Variants in HCN3 observed in about 807,000 individuals in gnomAD.
HCN3 encodes potassium/sodium hyperpolarization-activated cyclic nucleotide-gated channel 3.
HCN3 carries 36 observed loss-of-function variants against 56.8 expected under a neutral mutation model. That is an observed-to-expected ratio of 0.63 (90% CI 0.49 to 0.84). The LOEUF (loss-of-function observed/expected upper bound fraction) is 0.84. Among genes scored for constraint, HCN3 ranks in the 40% least tolerant of loss-of-function variants. The pLI is 0.00. For missense variants in HCN3, 930 were observed against 1,079.3 expected, an observed-to-expected ratio of 0.86 and a Z score of 1.94; for synonymous variants, 425 against 439.7, an observed-to-expected ratio of 0.97 and a Z score of 0.42.
rs1261975442 is a variant in HCN3 at position 155,284,415 on chromosome 1, C to T, written c.871-124C>T. The T allele has an allele frequency of 1.8e-6, 2 of 1,125,416 alleles. No homozygotes were observed. The highest frequency in any genetic ancestry group is 2.5e-6 in the Non-Finnish European group (2 of 810,068). The allele number at this position is 1,125,416 out of a possible 1,614,324, so 69.7% of individuals were successfully genotyped here. A position where few individuals can be genotyped will look rare whatever the true frequency, so the allele number is the denominator to read the frequency against. ...GGCCCCCCAGAACCAAACTTAAGTG[C>T]CTGCCAGGAGGAAGGCCTGCAGTAG... On this transcript the variant is annotated intron_variant, in intron 3 of 7. Transcript: ENST00000368358. The surrounding 1 kb of genome is among the most constrained non-coding windows in gnomAD (Gnocchi z 4.3).
rs756813469 is a variant in HCN3, at chr1:155,277,883, G to C, written c.278+15G>C. ...AGCGACTTCCGGTATTGGGGGCTTG[G>C]CGGGGAGGGCAGGGTACATCAATCC... On this transcript the variant is annotated intron_variant, in intron 1 of 7. Transcript: ENST00000368358. The C allele has an allele frequency of 3.1e-6, 5 of 1,610,592 alleles. No homozygotes were observed. Among genetic ancestry groups the C allele is most frequent in the South Asian group, 1.1e-5 (1 of 90,876 alleles).
In HCN3 at chr1:155,286,357, G is replaced by T. The variant is rs1674287266; in HGVS notation, c.1477+393G>T. On this transcript the variant is annotated intron_variant, in intron 6 of 7. Coordinates refer to ENST00000368358, the MANE Select transcript of HCN3 (RefSeq NM_020897.3). The stretch of plus-strand genomic sequence containing the variant: ...AGACGGGGTTTCACTGTGTTAGCCA[G>T]GATGGTCTCGATCTCCTGACCTCGT... 2.6e-5 allele frequency among the ~76,000 whole-genome samples: 4 copies of T among 152,284 alleles called. No homozygotes were observed. In the South Asian group the frequency reaches 8.3e-4, roughly 32 times the overall value.
chr1:155,286,860 G>C (rs141141634), intron 6 of HCN3, among the ~76,000 whole-genome samples: 1 of 152,056 alleles, frequency 6.6e-6, no homozygotes, highest in Non-Finnish European at 1.5e-5. Context: ...GGATTGAGCA[G>C]TCGGGGAGGG....
At position 155,280,340 on chromosome 1, in the gene HCN3, C is replaced by T. The variant is rs908120064; in HGVS notation, c.279-2071C>T. On this transcript the variant is annotated intron_variant, in intron 1 of 7. Coordinates refer to ENST00000368358, the MANE Select transcript of HCN3 (RefSeq NM_020897.3). ...AGGGCAGTGGAGCGGTTTCAGCTCA[C>T]GGCAACCTTCACTCCCAGGTTCAAG... Among the ~76,000 whole-genome samples the T allele has an allele frequency of 9.9e-5, 15 of 151,870 alleles. No individual in the cohort carries two copies. In the South Asian group the frequency reaches 1.4e-3, roughly 15 times the overall value.
Position 155,285,816 on chromosome 1 carries a change from G to A in HCN3, c.1329G>A (p.Lys443=), listed in dbSNP as rs773894483. Residue 443 remains lysine, a synonymous_variant, in exon 6 of 8, where the codon AAG becomes AAA. Coordinates refer to ENST00000368358, the MANE Select transcript of HCN3 (RefSeq NM_020897.3). This position sits in a 1 kb window ranked among gnomAD's most constrained non-coding sequence, Gnocchi z 4.5. ...DPSFVTAVLT[K]LRFEVFQPGD... The stretch of plus-strand genomic sequence containing the variant: ...GCTTCGTCACTGCAGTTCTCACCAA[G>A]CTGCGCTTTGAGGTCTTCCAGCCGG... 4 of 1,614,110 alleles carry A rather than the reference G, an allele frequency of 2.5e-6. No homozygotes were observed. In the East Asian group the frequency reaches 6.7e-5, roughly 27 times the overall value.
intron 6 of HCN3, among the ~76,000 whole-genome samples, chr1:155,286,437 G>C (rs1326408481): frequency 1.3e-5 from 2 of 152,188 alleles, no homozygotes; most frequent in African/African-American, 4.8e-5. Context: ...GAATCACCGT[G>C]CCAGGCCTGA....
Position 155,284,878 on chromosome 1 carries a change from TC to T in HCN3, c.1089+123del. ...TCTCTGTTTCCTTTCCTGCCCTGTG[TC>T]CATTTGTTCCCTGCCCCTGCATGTA... is the stretch of plus-strand genomic sequence containing the variant. On this transcript the variant is annotated intron_variant, in intron 4 of 7. Transcript: ENST00000368358. The surrounding 1 kb of genome is among the most constrained non-coding windows in gnomAD (Gnocchi z 4.3). 1 of 959,148 alleles carries T rather than the reference TC, an allele frequency of 1.0e-6. No individual in the cohort carries two copies. The allele number at this position is 959,148 out of a possible 1,614,324, so 59.4% of individuals were successfully genotyped here. A position where few individuals can be genotyped will look rare whatever the true frequency, so the allele number is the denominator to read the frequency against.
chr1:155,277,980 GT>G, intron 1 of HCN3, 112 bp downstream of exon 1: 1 of 1,326,726 alleles, frequency 7.5e-7, no homozygotes, highest in Non-Finnish European at 1.0e-6. Flanking sequence ...CCAGCCCGGG[GT>G]CCCTTGGTGG....
Position 155,285,726 on chromosome 1 carries a change from GATC to G in HCN3, c.1242_1244del (p.Ile415del). 6.2e-7 allele frequency: 1 copy of G among 1,614,112 alleles called. No homozygotes were observed. The highest frequency in any genetic ancestry group is 8.5e-7 in the Non-Finnish European group (1 of 1,180,006). Reference sequence around the variant, plus strand: ...TGACAGGCCCCTCCCCTGTCCAGGAGATCATTAACTTCACCTGTCGGGGCCTGG... The same window carrying G: ...TGACAGGCCCCTCCCCTGTCCAGGAGATTAACTTCACCTGTCGGGGCCTGG... On this transcript the variant is annotated inframe_deletion, in exon 6 of 8. Transcript: ENST00000368358. The surrounding 1 kb of genome is among the most constrained non-coding windows in gnomAD (Gnocchi z 4.5).
Position 155,284,304 on chromosome 1 carries a change from C to G in HCN3, c.870+169C>G. On this transcript the variant is annotated intron_variant, in intron 3 of 7. Coordinates refer to ENST00000368358, the MANE Select transcript of HCN3 (RefSeq NM_020897.3). The surrounding 1 kb of genome is among the most constrained non-coding windows in gnomAD (Gnocchi z 4.3). Reference sequence around the variant, plus strand: ...GGGAAGGAGACCCAGAAGAAGTGCTCGTGTGTTGGAGGGAGCAGGCAAAGG... The same window carrying G: ...GGGAAGGAGACCCAGAAGAAGTGCTGGTGTGTTGGAGGGAGCAGGCAAAGG... 1 of 885,448 alleles carries G rather than the reference C, an allele frequency of 1.1e-6. No individual in the cohort carries two copies. The highest frequency in any genetic ancestry group is 1.7e-5 in the South Asian group (1 of 57,476). The allele number at this position is 885,448 out of a possible 1,614,324, so 54.8% of individuals were successfully genotyped here.
chr1:155,280,701 G>A (rs575651775), intron 1 of HCN3, among the ~76,000 whole-genome samples: 1 of 141,130 alleles, frequency 7.1e-6, no homozygotes, highest in South Asian at 2.3e-4. Flanking sequence ...GCCTCCCAAA[G>A]TGCTGGGATT....
chr1:155,288,106 G>T lies in HCN3; in HGVS notation c.1968G>T (p.Pro656=), dbSNP rs759676682. 3.1e-6 allele frequency: 5 copies of T among 1,607,098 alleles called. No homozygotes were observed. Among genetic ancestry groups the T allele is most frequent in the South Asian group, 1.1e-5 (1 of 90,540 alleles). ...AWRSAGSPAS[P]LVPVRAGPWA... The stretch of plus-strand genomic sequence containing the variant: ...GCTCAGCAGGCTCTCCAGCTTCCCC[G>T]CTGGTGCCCGTCCGAGCTGGCCCAT... Residue 656 remains proline, a synonymous_variant, in exon 8 of 8, where the codon CCG becomes CCT. Coordinates refer to ENST00000368358, the MANE Select transcript of HCN3 (RefSeq NM_020897.3). This position sits in a 1 kb window ranked among gnomAD's most constrained non-coding sequence, Gnocchi z 6.5.
At chr1:155,286,217 C>G (rs1674281107) in intron 6 of HCN3, among the ~76,000 whole-genome samples, 1 of 152,168 alleles carries the variant, frequency 6.6e-6, no homozygotes, top group Admixed American at 6.5e-5. Flanking sequence ...GCAATCTCGG[C>G]TCACTGAAAG....
Position 155,285,624 on chromosome 1 carries a change from A to T in HCN3, c.1237-100A>T. The T allele has an allele frequency of 2.0e-6, 3 of 1,504,086 alleles. No homozygotes were observed. Among genetic ancestry groups the T allele is most frequent in the Non-Finnish European group, 2.7e-6 (3 of 1,112,584 alleles). The allele number at this position is 1,504,086 out of a possible 1,614,324, so 93.2% of individuals were successfully genotyped here. A position where few individuals can be genotyped will look rare whatever the true frequency, so the allele number is the denominator to read the frequency against. On this transcript the variant is annotated intron_variant, in intron 5 of 7. Transcript: ENST00000368358. The surrounding 1 kb of genome is among the most constrained non-coding windows in gnomAD (Gnocchi z 4.5). Reference sequence around the variant, plus strand: ...CTGATGCCTCCCCATCCTTTGGCAGAACATGACCCCAGGGGTGGGGTTTCT... The same window carrying T: ...CTGATGCCTCCCCATCCTTTGGCAGTACATGACCCCAGGGGTGGGGTTTCT...
At chr1:155,277,901 A>G in intron 1 of HCN3, 33 bp downstream of exon 1, 1 of 1,600,358 alleles carries the variant, frequency 6.2e-7, no homozygotes, top group African/African-American at 1.3e-5. Context: ...GGCAGGGTAC[A>G]TCAATCCCAC....
chr1:155,285,978 A>G lies in HCN3; in HGVS notation c.1477+14A>G. On this transcript the variant is annotated intron_variant, in intron 6 of 7. Transcript: ENST00000368358. This position sits in a 1 kb window ranked among gnomAD's most constrained non-coding sequence, Gnocchi z 4.5. ...CCTACTTTGGGGGTCAGCAGGCCTC[A>G]GGGAGGGTGGCAGGGTCACGAGCAG... The G allele has an allele frequency of 3.8e-6, 6 of 1,564,284 alleles. No individual in the cohort carries two copies. Among genetic ancestry groups the G allele is most frequent in the Middle Eastern group, 1.8e-4 (1 of 5,442 alleles).
chr1:155,279,992 G>A (rs2148166822), intron 1 of HCN3, among the ~76,000 whole-genome samples: 1 of 151,936 alleles, frequency 6.6e-6, no homozygotes, highest in South Asian at 2.1e-4. Flanking sequence ...TGTCGCCCAG[G>A]CTGGAGTGCA....
Position 155,287,336 on chromosome 1 carries a change from C to A in HCN3, c.1641C>A (p.Ile547=), listed in dbSNP as rs776866836. ...TGGCCATGGATCGGCTGCTCCGCATCGGTGAGACCTGTCCACCCCATCTGC... is the reference window on the plus strand; with the variant it reads ...TGGCCATGGATCGGCTGCTCCGCATAGGTGAGACCTGTCCACCCCATCTGC... ...ETVAMDRLLR[I]GKKNSILQRK... The change falls in exon 7 of 8, where the codon ATC becomes ATA. Residue 547 remains isoleucine, a splice_region_variant and synonymous_variant. Transcript: ENST00000368358. The A allele has an allele frequency of 3.5e-5, 57 of 1,613,654 alleles. No individual in the cohort carries two copies. The Admixed American group carries it at 9.5e-4, about 27-fold the overall frequency.
intron 1 of HCN3, among the ~76,000 whole-genome samples, chr1:155,279,485 G>A (rs1572033112): frequency 6.6e-6 from 1 of 152,218 alleles, no homozygotes; most frequent in East Asian, 1.9e-4. Flanking sequence ...AGCCCTGTTT[G>A]AGGTTCTGTG....
Sources: allele counts gnomAD v4.1 joint callset (sites outside exome capture counted in the v4.1 genomes callset), GRCh38; gene constraint gnomAD v4.1.1; non-coding constraint Gnocchi (gnomAD v3.1); transcripts MANE v1.5; gene names NCBI Gene and HGNC (gene_info 2026-07-23, HGNC 2026-07-21).